Variants in CCDC158 observed in about 807,000 individuals in gnomAD.
The protein encoded by CCDC158 is coiled-coil domain-containing protein 158.
In CCDC158, 116 loss-of-function variants were observed where a neutral mutation model predicts 138.6. The observed-to-expected ratio is 0.84, with a 90% CI of 0.72 to 0.98. The LOEUF (loss-of-function observed/expected upper bound fraction) is 0.98, where lower values mean the gene tolerates loss of function less well. Ranked by LOEUF, CCDC158 falls within the 50% of genes least tolerant of loss-of-function variation. The pLI is 0.00. For synonymous variants in CCDC158, 436 were observed against 442.4 expected, an observed-to-expected ratio of 0.99 and a Z score of 0.18; for missense variants, 1,265 against 1,306.1, an observed-to-expected ratio of 0.97 and a Z score of 0.48.
chr4:76,360,476 G>T (rs527942352), intron 13 of CCDC158, among the ~76,000 whole-genome samples: 2 of 152,356 alleles, frequency 1.3e-5, no homozygotes, highest in South Asian at 4.1e-4. Flanking sequence ...GCCAGCCCAT[G>T]AAAGCAGCCA....
chr4:76,369,591 A>G lies in CCDC158; in HGVS notation c.1182T>C (p.Ser394=). 4.3e-6 allele frequency: 7 copies of G among 1,613,882 alleles called. No individual in the cohort carries two copies. The highest frequency in any genetic ancestry group is 5.9e-6 in the Non-Finnish European group (7 of 1,179,966). Residue 394 remains serine, a synonymous_variant, in exon 11 of 25, where the codon AGT becomes AGC. Transcript: ENST00000682701. ...ADLHKREKEL[S]LEKEQNKRLW... ...GACGCTTATTCTGCTCCTTCTCCAG[A>G]CTCAGCTCCTTCTCCCTTTTGTGTA...
At chr4:76,415,922 C>A (rs1729658340) in intron 1 of CCDC158, among the ~76,000 whole-genome samples, 1 of 152,182 alleles carries the variant, frequency 6.6e-6, no homozygotes, top group Non-Finnish European at 1.5e-5. Flanking sequence ...AGAGAAGACT[C>A]TACTCCTCCA....
intron 15 of CCDC158, among the ~76,000 whole-genome samples, chr4:76,354,823 A>G (rs1410206037): frequency 6.6e-6 from 1 of 152,208 alleles, no homozygotes; most frequent in Non-Finnish European, 1.5e-5. Flanking sequence ...TATACTTAAG[A>G]AAACTTCAGG....
At chr4:76,330,094 C>T (rs1720887425) in intron 21 of CCDC158, among the ~76,000 whole-genome samples, 1 of 152,192 alleles carries the variant, frequency 6.6e-6, no homozygotes, top group Admixed American at 6.5e-5. Context: ...AGAAACTCTA[C>T]TGCAGAGCTT....
At position 76,382,631 on chromosome 4, in the gene CCDC158, T is replaced by C. The variant is rs1579036173; in HGVS notation, c.893A>G (p.Gln298Arg). Reference sequence around the variant, plus strand: ...ATACTGAATGATTTCCATTTGACTCTGGATACTATTGGCTTGGCTTCGAGC... The same window carrying C: ...ATACTGAATGATTTCCATTTGACTCCGGATACTATTGGCTTGGCTTCGAGC... ...SSARSQANSI[Q>R]SQMEIIQEQA... The change falls in exon 8 of 25, where the codon CAG (glutamine) becomes CGG (arginine). Residue 298 changes from glutamine to arginine, a missense_variant. Coordinates refer to ENST00000682701, the MANE Select transcript of CCDC158 (RefSeq NM_001394954.1). The C allele has an allele frequency of 6.2e-7, 1 of 1,610,670 alleles. No individual in the cohort carries two copies. Among genetic ancestry groups the C allele is most frequent in the East Asian group, 2.2e-5 (1 of 44,806 alleles).
At chr4:76,346,284 T>C (rs1722537107) in intron 18 of CCDC158, among the ~76,000 whole-genome samples, 1 of 152,166 alleles carries the variant, frequency 6.6e-6, no homozygotes, top group African/African-American at 2.4e-5. Flanking sequence ...ATAAAAACCC[T>C]AGAAGAGAAC....
chr4:76,408,326 TCCCTCCC>T (rs1367587034), intron 2 of CCDC158, among the ~76,000 whole-genome samples: 7 of 152,026 alleles, frequency 4.6e-5, no homozygotes, highest in Non-Finnish European at 1.0e-4. Context: ...CCTAATGCTA[TCCCTCCC>T]CGCTCCCCCC....
intron 2 of CCDC158, among the ~76,000 whole-genome samples, chr4:76,410,431 C>T (rs1232534885): frequency 6.6e-6 from 1 of 152,152 alleles, no homozygotes; most frequent in African/African-American, 2.4e-5. Flanking sequence ...GTGATCCACC[C>T]ACCTCAGCCT....
chr4:76,373,584 T>C (rs1725442790), intron 9 of CCDC158, among the ~76,000 whole-genome samples: 1 of 152,180 alleles, frequency 6.6e-6, no homozygotes, highest in Non-Finnish European at 1.5e-5. Context: ...TCTTCACTTA[T>C]TCAACACATA....
At chr4:76,360,671 G>A (rs1724043618) in intron 13 of CCDC158, among the ~76,000 whole-genome samples, 1 of 152,200 alleles carries the variant, frequency 6.6e-6, no homozygotes, top group South Asian at 2.1e-4. Flanking sequence ...CTTTGCTTTG[G>A]CCAATTTATC....
intron 1 of CCDC158, among the ~76,000 whole-genome samples, chr4:76,418,733 T>A (rs1393158240): frequency 6.6e-6 from 1 of 152,106 alleles, no homozygotes; most frequent in East Asian, 1.9e-4. Context: ...ATGATTCAAT[T>A]ACCTTCCACT....
At chr4:76,362,085 G>C (rs555818301) in intron 13 of CCDC158, 41 bp downstream of exon 13, 1 of 1,569,950 alleles carries the variant, frequency 6.4e-7, no homozygotes, top group East Asian at 2.2e-5. Context: ...TCACTGCTAA[G>C]ACTCTTATTT....
chr4:76,380,017 C>T (rs763091141), intron 8 of CCDC158, among the ~76,000 whole-genome samples: 1 of 152,124 alleles, frequency 6.6e-6, no homozygotes. Context: ...CCTGAGGCCT[C>T]CTAGTCATGA....
intron 21 of CCDC158, 27 bp from the exon 22 acceptor site, chr4:76,328,994 G>A (rs1232397674): frequency 6.4e-7 from 1 of 1,561,696 alleles, no homozygotes; most frequent in Non-Finnish European, 8.8e-7. Flanking sequence ...GGTAATGCAA[G>A]CATTCCATTT....
At chr4:76,350,614 A>C (rs1722955826) in intron 18 of CCDC158, among the ~76,000 whole-genome samples, 1 of 152,210 alleles carries the variant, frequency 6.6e-6, no homozygotes, top group African/African-American at 2.4e-5. Context: ...ATAATTAATA[A>C]AATTCTGTTA....
Position 76,382,683 on chromosome 4 carries a change from T to A in CCDC158, c.841A>T (p.Thr281Ser). Residue 281 changes from threonine (T) to serine (S), a missense_variant, in exon 8 of 25, where the codon ACA becomes TCA. Thr to Ser is a moderately conservative substitution (Grantham distance 58, BLOSUM62 1). Transcript: ENST00000682701. ...CTGCTAGCTTTCTCAGTAAGTCCTG[T>A]TATTTCAACTTCATGTTCACTTATT... Reference protein sequence around the residue: ...QLISEHEVEITGLTEKASSAR... With the variant: ...QLISEHEVEISGLTEKASSAR... 1 of 1,613,382 alleles carries A rather than the reference T, an allele frequency of 6.2e-7. No individual in the cohort carries two copies. The highest frequency in any genetic ancestry group is 8.5e-7 in the Non-Finnish European group (1 of 1,179,498).
intron 9 of CCDC158, among the ~76,000 whole-genome samples, chr4:76,377,833 G>A (rs986943381): frequency 2.0e-5 from 3 of 152,178 alleles, no homozygotes; most frequent in African/African-American, 7.2e-5. Context: ...TTTACAAAAG[G>A]AGGCAGTGTT....
At chr4:76,355,197 G>A in intron 15 of CCDC158, 127 bp downstream of exon 15, 1 of 638,150 alleles carries the variant, frequency 1.6e-6, no homozygotes, top group Non-Finnish European at 2.8e-6. Context: ...CTTTTCCCTT[G>A]TTCTCTCACC....
chr4:76,347,863 CG>C lies in CCDC158; in HGVS notation c.2664+3132del, dbSNP rs567516147. Among the ~76,000 whole-genome samples the C allele has an allele frequency of 3.1e-3, 475 of 152,158 alleles. 5 individuals carry two copies. The highest frequency in any genetic ancestry group is 0.011 in the African/African-American group (459 of 41,500). ...CCAAGGGAAAAAATCGACACAGGCTCGGAGGGGATTCAAATCATATAATTAT... is the reference window on the plus strand; with the variant it reads ...CCAAGGGAAAAAATCGACACAGGCTCGAGGGGATTCAAATCATATAATTAT... On this transcript the variant is annotated intron_variant, in intron 18 of 24. Coordinates refer to ENST00000682701, the MANE Select transcript of CCDC158 (RefSeq NM_001394954.1).
Sources: allele counts gnomAD v4.1 joint callset (sites outside exome capture counted in the v4.1 genomes callset), GRCh38; gene constraint gnomAD v4.1.1; transcripts MANE v1.5; gene names NCBI Gene and HGNC (gene_info 2026-07-23, HGNC 2026-07-21).